Variants in RANBP2 observed in about 807,000 individuals in gnomAD.
The protein encoded by RANBP2 is E3 SUMO-protein ligase RanBP2.
RANBP2 carries 57 observed loss-of-function variants against 303.6 expected under a neutral mutation model. That is an observed-to-expected ratio of 0.19 (90% CI 0.15 to 0.23). RANBP2 has a LOEUF of 0.23. Ranked by LOEUF, RANBP2 falls within the 10% of genes least tolerant of loss-of-function variation. The pLI is 1.00. For missense variants in RANBP2, 3,138 were observed against 3,780.8 expected (o/e 0.83, Z 4.46); for synonymous variants, 1,167 against 1,301.5 (o/e 0.90, Z 2.23).
the RANBP2 span, among the ~76,000 whole-genome samples, chr2:109,350,667 G>A: frequency 2.9e-3 from 438 of 152,244 alleles, 15 homozygotes; most frequent in East Asian, 0.077. Context: ...TTTCCCCCAC[G>A]GTGGGTCCGA....
chr2:109,270,794 A>G, the RANBP2 span, among the ~76,000 whole-genome samples: 3 of 152,210 alleles, frequency 2.0e-5, no homozygotes, highest in African/African-American at 7.2e-5. Flanking sequence ...ATACCTGCCC[A>G]TGGAAAACCA....
chr2:108,932,751 C>G, the RANBP2 span, among the ~76,000 whole-genome samples: 1 of 152,070 alleles, frequency 6.6e-6, no homozygotes, highest in Non-Finnish European at 1.5e-5. Context: ...AGGAGATGCA[C>G]CCAATGCCAA....
the RANBP2 span, among the ~76,000 whole-genome samples, chr2:108,933,030 G>A: frequency 2.6e-5 from 4 of 152,184 alleles, no homozygotes; most frequent in Admixed American, 1.3e-4. Context: ...AAGATGGTAC[G>A]CTTGTTTATC....
At chr2:108,889,360 G>T in the RANBP2 span, among the ~76,000 whole-genome samples, 1 of 152,072 alleles carries the variant, frequency 6.6e-6, no homozygotes, top group Non-Finnish European at 1.5e-5. Context: ...TTCTGTCGAG[G>T]TGATCTATCT....
chr2:108,786,141 G>T (rs1446089322), downstream of RANBP2, among the ~76,000 whole-genome samples: 12 of 146,272 alleles, frequency 8.2e-5, no homozygotes, highest in South Asian at 4.6e-4. Context: ...AAAAAAAAAA[G>T]TTTTTTTTCC....
At chr2:109,521,110 G>A in the RANBP2 span, among the ~76,000 whole-genome samples, 1 of 151,604 alleles carries the variant, frequency 6.6e-6, no homozygotes, top group African/African-American at 2.4e-5. Context: ...CCAGCTACTC[G>A]GAGAGGCTGA....
chr2:108,776,523 A>G (rs1243094045), intron 24 of RANBP2, among the ~76,000 whole-genome samples: 3 of 152,176 alleles, frequency 2.0e-5, no homozygotes, highest in African/African-American at 7.2e-5. Flanking sequence ...AATAGCCTTC[A>G]GTGTCACAAA....
At chr2:108,956,638 C>A in the RANBP2 span, among the ~76,000 whole-genome samples, 1 of 152,192 alleles carries the variant, frequency 6.6e-6, no homozygotes, top group South Asian at 2.1e-4. Flanking sequence ...TGGGCAGTTC[C>A]TTCCATCTGC....
chr2:109,364,603 G>T, the RANBP2 span, among the ~76,000 whole-genome samples: 2 of 152,222 alleles, frequency 1.3e-5, no homozygotes, highest in African/African-American at 4.8e-5. Flanking sequence ...CTTTGGTGCT[G>T]TGGGGGCCAT....
the RANBP2 span, among the ~76,000 whole-genome samples, chr2:109,277,044 A>AC: frequency 1.3e-5 from 2 of 152,172 alleles, no homozygotes; most frequent in Non-Finnish European, 2.9e-5. Context: ...AATGGCAGGC[A>AC]CCATGCTCTG....
the RANBP2 span, chr2:109,732,748 T>G: frequency 1.4e-6 from 1 of 734,870 alleles, no homozygotes; most frequent in Non-Finnish European, 2.5e-6. Flanking sequence ...CAGGCAATCT[T>G]GGAAACAATG....
the RANBP2 span, among the ~76,000 whole-genome samples, chr2:108,982,752 C>T: frequency 1.9e-4 from 29 of 152,206 alleles, no homozygotes; most frequent in Middle Eastern, 3.4e-3. Context: ...GACTCAAAAC[C>T]GAGTGTCCCG....
the RANBP2 span, among the ~76,000 whole-genome samples, chr2:109,191,524 G>A: frequency 2.6e-5 from 4 of 152,222 alleles, no homozygotes; most frequent in African/African-American, 9.6e-5. Flanking sequence ...AAGGGGTAGG[G>A]TGCCCCTCCT....
the RANBP2 span, chr2:109,614,192 G>T: frequency 8.8e-7 from 1 of 1,133,618 alleles, no homozygotes; most frequent in Non-Finnish European, 1.1e-6. Context: ...TGCGGCCCTC[G>T]CGAGGCCGGA....
the RANBP2 span, among the ~76,000 whole-genome samples, chr2:109,344,781 G>T: frequency 1.3e-5 from 2 of 152,170 alleles, no homozygotes; most frequent in African/African-American, 4.8e-5. Context: ...GGTCCTTGCC[G>T]AGCAGCTGAG....
the RANBP2 span, among the ~76,000 whole-genome samples, chr2:108,924,010 G>C: frequency 6.6e-6 from 1 of 152,254 alleles, no homozygotes; most frequent in Admixed American, 6.5e-5. Flanking sequence ...GTCAATGCAG[G>C]TGGCCCTCAT....
At chr2:109,250,762 G>A in the RANBP2 span, among the ~76,000 whole-genome samples, 1 of 151,408 alleles carries the variant, frequency 6.6e-6, no homozygotes, top group Non-Finnish European at 1.5e-5. Flanking sequence ...TTAGTAATTA[G>A]CTATTTTAGA....
At chr2:109,531,402 C>G in the RANBP2 span, among the ~76,000 whole-genome samples, 1 of 152,218 alleles carries the variant, frequency 6.6e-6, no homozygotes, top group Non-Finnish European at 1.5e-5. Context: ...TGACAGCCAT[C>G]TGGCACTGCG....
downstream of RANBP2, among the ~76,000 whole-genome samples, chr2:108,790,696 G>A (rs1183260978): frequency 1.3e-5 from 2 of 152,118 alleles, no homozygotes; most frequent in African/African-American, 2.4e-5. Flanking sequence ...GTGAGACTCC[G>A]TCTCAAAAAA....
Sources: gnomAD v4.1 joint callset for allele counts (sites outside exome capture counted in the v4.1 genomes callset) on GRCh38, gnomAD v4.1.1 for gene constraint, MANE v1.5 for transcripts, NCBI Gene and HGNC (gene_info 2026-07-23, HGNC 2026-07-21) for gene names.